PCDHGA8: variants seen among roughly 807,000 people sequenced by gnomAD.
PCDHGA8 encodes protocadherin gamma subfamily A, 8.
PCDHGA8 carries 45 observed loss-of-function variants against 59.2 expected under a neutral mutation model. The ratio of observed to expected loss-of-function variants is 0.76; its 90% CI spans 0.60 to 0.98. The LOEUF is 0.98. Among genes scored for constraint, PCDHGA8 ranks in the 50% least tolerant of loss-of-function variants. PCDHGA8 has a pLI of 0.00. For missense variants in PCDHGA8, 1,257 were observed against 1,196.2 expected, an observed-to-expected ratio of 1.05 and a Z score of -0.75; for synonymous variants, 531 against 519.0, an observed-to-expected ratio of 1.02 and a Z score of -0.32.
intron 2 of PCDHGA8, among the ~76,000 whole-genome samples, chr5:141,501,333 A>ACACC (rs1186649373): frequency 5.5e-4 from 77 of 140,128 alleles, no homozygotes; most frequent in African/African-American, 6.0e-4. Context: ...ACACACACAC[A>ACACC]CCCCAAACTC....
At chr5:141,510,900 G>A in intron 3 of PCDHGA8, 47 bp from the exon 4 acceptor site, 6 of 1,613,378 alleles carry the variant, frequency 3.7e-6, no homozygotes, top group Non-Finnish European at 5.1e-6. Context: ...AGTGACTGTT[G>A]AGGACCCTAA....
chr5:141,478,700 C>T (rs1171617240), intron 1 of PCDHGA8: 2 of 1,549,172 alleles, frequency 1.3e-6, no homozygotes, highest in South Asian at 1.2e-5. Flanking sequence ...AAAGTTAGTG[C>T]CTTTGTGAGA....
intron 1 of PCDHGA8, among the ~76,000 whole-genome samples, chr5:141,460,653 GT>G (rs2098994590): frequency 6.6e-6 from 1 of 151,844 alleles, no homozygotes; most frequent in Admixed American, 6.6e-5. Context: ...TTACACATAT[GT>G]AACTGTAAAC....
rs115607451 is a variant in PCDHGA8, at chr5:141,508,636, A to C, written c.2573-2311A>C. Among the ~76,000 whole-genome samples, 998 of 151,746 alleles carry C rather than the reference A, an allele frequency of 6.6e-3. 12 individuals are homozygous for C. The highest frequency in any genetic ancestry group is 0.023 in the African/African-American group (958 of 41,372). ...ACGTGGGTGGGCCGAGCTTCTAGCT[A>C]CTCCGTCAGGCCCTTCCTGTCATTC... On this transcript the variant is annotated intron_variant, in intron 3 of 3. Transcript: ENST00000398604.
At chr5:141,419,849 T>C in intron 1 of PCDHGA8, 1 of 1,614,040 alleles carries the variant, frequency 6.2e-7, no homozygotes, top group East Asian at 2.2e-5. Context: ...GCACCTGGTG[T>C]TCGCAGATAG....
Position 141,494,803 on chromosome 5 carries a change from A to G in PCDHGA8, c.2425-4A>G. On this transcript the variant is annotated splice_polypyrimidine_tract_variant and splice_region_variant and intron_variant, in intron 1 of 3. Transcript: ENST00000398604. ...CAGCCCCTTTCCCTCTGTTTTCTCC[A>G]CAGCAAGCCCCGCCCAACACGGACT... The G allele has an allele frequency of 6.2e-7, 1 of 1,613,646 alleles. No individual in the cohort carries two copies. Among genetic ancestry groups the G allele is most frequent in the Non-Finnish European group, 8.5e-7 (1 of 1,179,900 alleles).
At chr5:141,398,242 G>A (rs768096349) in intron 1 of PCDHGA8, 11 of 1,476,422 alleles carry the variant, frequency 7.5e-6, no homozygotes, top group Admixed American at 6.1e-5. Context: ...CAGGATTCCC[G>A]AGGAAATGCC....
At chr5:141,469,610 AAAAT>A (rs1360697662) in intron 1 of PCDHGA8, among the ~76,000 whole-genome samples, 1 of 152,194 alleles carries the variant, frequency 6.6e-6, no homozygotes, top group Non-Finnish European at 1.5e-5. Context: ...TAAGTAAAAT[AAAAT>A]AAATGTTTGT....
At chr5:141,497,595 A>C (rs973413640) in intron 2 of PCDHGA8, among the ~76,000 whole-genome samples, 1 of 147,414 alleles carries the variant, frequency 6.8e-6, no homozygotes, top group East Asian at 2.0e-4. Context: ...GCTGGAGTGC[A>C]GTGGTGCGAT....
intron 3 of PCDHGA8, among the ~76,000 whole-genome samples, chr5:141,506,879 G>T (rs958969109): frequency 6.6e-6 from 1 of 152,172 alleles, no homozygotes; most frequent in Non-Finnish European, 1.5e-5. Flanking sequence ...AGAACCAGGT[G>T]AAATCACAAG....
intron 1 of PCDHGA8, among the ~76,000 whole-genome samples, chr5:141,449,290 G>A (rs1255760925): frequency 1.3e-5 from 2 of 151,934 alleles, no homozygotes; most frequent in Admixed American, 6.6e-5. Context: ...CGGATGCACC[G>A]GGTGAATTAT....
At chr5:141,421,531 T>G (rs1318944446) in intron 1 of PCDHGA8, 1 of 1,613,904 alleles carries the variant, frequency 6.2e-7, no homozygotes, top group Non-Finnish European at 8.5e-7. Flanking sequence ...GACGGTGTCC[T>G]CCTGTTTTTT....
At chr5:141,470,202 A>G (rs928782890) in intron 1 of PCDHGA8, among the ~76,000 whole-genome samples, 9 of 152,216 alleles carry the variant, frequency 5.9e-5, no homozygotes, top group Non-Finnish European at 1.2e-4. Flanking sequence ...GATAAATATG[A>G]AGGCTAAACC....
rs147506725 is a variant in PCDHGA8, at chr5:141,442,240, G to A, written c.2424+47003G>A. Reference sequence around the variant, plus strand: ...CTTTAATTTCCTTTTTATTCTTCCTGATTGCATTGTTTGTGCTGGTTTTAA... The same window carrying A: ...CTTTAATTTCCTTTTTATTCTTCCTAATTGCATTGTTTGTGCTGGTTTTAA... On this transcript the variant is annotated intron_variant, in intron 1 of 3. Transcript: ENST00000398604. 1,291 of 153,334 alleles carry A rather than the reference G, an allele frequency of 8.4e-3. 26 individuals carry two copies. The highest frequency in any genetic ancestry group is 0.029 in the African/African-American group (1,208 of 41,552). 9.5% of individuals were successfully genotyped at this position (153,334 alleles called of 1,614,324 possible).
intron 1 of PCDHGA8, chr5:141,414,354 T>C (rs1389145668): frequency 1.2e-6 from 2 of 1,613,800 alleles, no homozygotes; most frequent in Admixed American, 1.7e-5. Flanking sequence ...TTTTGGCGTA[T>C]CTACCATTTA....
chr5:141,394,491 C>A lies in PCDHGA8; in HGVS notation c.1678C>A (p.Pro560Thr), dbSNP rs1477855534. 4 of 1,614,234 alleles carry A rather than the reference C, an allele frequency of 2.5e-6. No homozygotes were observed. The highest frequency in any genetic ancestry group is 2.5e-6 in the Non-Finnish European group (3 of 1,180,046). Residue 560 changes from proline to threonine, a missense_variant, in exon 1 of 4, where the codon CCC (proline) becomes ACC (threonine). By Grantham distance (38) the Pro-to-Thr change is conservative. Transcript: ENST00000398604. ...LFVLDQNDNA[P>T]EILYPALPTD... The stretch of plus-strand genomic sequence containing the variant: ...CGTGCTGGACCAGAATGACAACGCG[C>A]CCGAGATCCTGTACCCCGCCCTCCC...
At chr5:141,400,165 C>T (rs749867110) in intron 1 of PCDHGA8, 2 of 1,614,040 alleles carry the variant, frequency 1.2e-6, no homozygotes, top group South Asian at 2.2e-5. Flanking sequence ...ACCCTCTGAC[C>T]CCCAGGCTGA....
chr5:141,454,894 G>A (rs1371368633), intron 1 of PCDHGA8, among the ~76,000 whole-genome samples: 2 of 126,736 alleles, frequency 1.6e-5, no homozygotes, highest in Non-Finnish European at 3.1e-5. Context: ...TGCTAGCACC[G>A]CCTCCCGGGT....
intron 1 of PCDHGA8, among the ~76,000 whole-genome samples, chr5:141,458,871 T>C (rs2098955493): frequency 6.6e-6 from 1 of 152,210 alleles, no homozygotes; most frequent in African/African-American, 2.4e-5. Flanking sequence ...TAGCTGGGAC[T>C]ACAGGCATGC....
Sources: gnomAD v4.1 joint callset for allele counts (sites outside exome capture counted in the v4.1 genomes callset) on GRCh38, gnomAD v4.1.1 for gene constraint, MANE v1.5 for transcripts, NCBI Gene and HGNC (gene_info 2026-07-23, HGNC 2026-07-21) for gene names.